LRRK2: variants seen among roughly 807,000 people sequenced by gnomAD.
LRRK2 encodes leucine rich repeat kinase 2.
In LRRK2, 203 loss-of-function variants were observed where a neutral mutation model predicts 302.6. The ratio of observed to expected loss-of-function variants is 0.67; its 90% CI spans 0.60 to 0.75. LRRK2 has a LOEUF of 0.75. Among genes scored for constraint, LRRK2 ranks in the 30% least tolerant of loss-of-function variants. The pLI is 0.00. For missense variants in LRRK2, 2,830 were observed against 2,951.0 expected, an observed-to-expected ratio of 0.96 and a Z score of 0.95; for synonymous variants, 1,066 against 1,031.9, an observed-to-expected ratio of 1.03 and a Z score of -0.63.
intron 40 of LRRK2, among the ~76,000 whole-genome samples, chr12:40,336,654 A>C (rs1276597928): frequency 6.6e-6 from 1 of 152,220 alleles, no homozygotes; most frequent in Non-Finnish European, 1.5e-5. Context: ...TAGTATCCAG[A>C]AATGTTCCTT....
intron 18 of LRRK2, among the ~76,000 whole-genome samples, chr12:40,283,081 A>C (rs1943774794): frequency 6.6e-6 from 1 of 152,218 alleles, no homozygotes; most frequent in African/African-American, 2.4e-5. Flanking sequence ...TACAGAATTT[A>C]GCACAGTAAC....
intron 23 of LRRK2, among the ~76,000 whole-genome samples, chr12:40,296,800 T>G (rs1944402255): frequency 6.6e-6 from 1 of 152,154 alleles, no homozygotes; most frequent in African/African-American, 2.4e-5. Context: ...GAAAGAAAGG[T>G]GACCCACTCC....
chr12:40,320,403 C>T (rs573098841), intron 34 of LRRK2, among the ~76,000 whole-genome samples: 12 of 152,006 alleles, frequency 7.9e-5, no homozygotes, highest in African/African-American at 2.7e-4. Context: ...TACTAGTTGG[C>T]TTATCACTGT....
At chr12:40,304,252 TA>T (rs760620959) in intron 27 of LRRK2, 118 bp downstream of exon 27, 48 of 927,918 alleles carry the variant, frequency 5.2e-5, no homozygotes, top group Non-Finnish European at 7.4e-5. Flanking sequence ...AGCTTCCTGT[TA>T]ACTATAAATT....
intron 2 of LRRK2, among the ~76,000 whole-genome samples, chr12:40,230,275 GTAATCATTTTTATCTTCCTAAAA>G (rs1941116050): frequency 6.6e-6 from 1 of 152,132 alleles, no homozygotes; most frequent in Non-Finnish European, 1.5e-5. Context: ...GAGATCTTGA[GTAATCATTTTTATCTTCCTAAAA>G]TAGCCGTTGT....
rs201717503 is a variant in LRRK2 at position 40,304,142 on chromosome 12, G to T, written c.3777+8G>T. 8.1e-6 allele frequency: 13 copies of T among 1,610,256 alleles called. No homozygotes were observed. Among genetic ancestry groups the T allele is most frequent in the Non-Finnish European group, 1.0e-5 (12 of 1,177,542 alleles). On this transcript the variant is annotated splice_region_variant and intron_variant, in intron 27 of 50. Transcript: ENST00000298910. ...CACAATAAACTGAAAGAGGTAAGAC[G>T]ATTATTGCCACTTAAAAAATATACT...
intron 49 of LRRK2, chr12:40,365,942 T>C (rs1053821233): frequency 6.6e-6 from 1 of 151,992 alleles, no homozygotes; most frequent in East Asian, 1.9e-4. Flanking sequence ...CAATAGGTTG[T>C]CTCAGTAGTC....
chr12:40,362,641 G>C (rs1254214792), intron 47 of LRRK2, among the ~76,000 whole-genome samples: 1 of 152,046 alleles, frequency 6.6e-6, no homozygotes, highest in Non-Finnish European at 1.5e-5. Context: ...GGTCTATTTT[G>C]ATAGGTCAGG....
At chr12:40,303,710 C>T (rs1199047591) in intron 26 of LRRK2, among the ~76,000 whole-genome samples, 4 of 152,084 alleles carry the variant, frequency 2.6e-5, no homozygotes, top group Non-Finnish European at 2.9e-5. Flanking sequence ...TAATGCCCTA[C>T]GATAGCCACT....
intron 4 of LRRK2, among the ~76,000 whole-genome samples, chr12:40,235,932 TTCCATCTCTTC>T (rs1941445402): frequency 6.6e-6 from 1 of 152,002 alleles, no homozygotes; most frequent in African/African-American, 2.4e-5. Context: ...TTCTTTCTGT[TTCCATCTCTTC>T]TCCTTATCTC....
At chr12:40,308,752 A>G in intron 29 of LRRK2, 56 bp downstream of exon 29, 1 of 1,494,934 alleles carries the variant, frequency 6.7e-7, no homozygotes. Context: ...TGGAACAGGG[A>G]TTCAAAAACT....
chr12:40,344,664 T>A (rs1025868370), intron 41 of LRRK2, among the ~76,000 whole-genome samples: 6 of 152,200 alleles, frequency 3.9e-5, no homozygotes, highest in African/African-American at 1.4e-4. Flanking sequence ...GCTATTGTGA[T>A]TTGTTTACAT....
chr12:40,320,057 A>G lies in LRRK2; in HGVS notation c.4897A>G (p.Lys1633Glu). Residue 1633 changes from lysine (K) to glutamate (E), a missense_variant, in exon 34 of 51, where the codon AAA (lysine) becomes GAA (glutamate). Physicochemically the swap from Lys to Glu is moderately conservative, Grantham distance 56 (BLOSUM62 1). This residue lies in a region of LRRK2 where 2,121 missense variants were observed against 2,148.0 expected (regional missense o/e 0.99). Transcript: ENST00000298910. ...KGIISRRDVE[K>E]FLSKKRKFPK... ...CATTATTTCGCGTAGAGATGTGGAA[A>G]AATTTCTTTCAAAAAAAAGGAAATT... is the stretch of plus-strand genomic sequence containing the variant. 6.2e-7 allele frequency: 1 copy of G among 1,611,950 alleles called. No homozygotes were observed. Among genetic ancestry groups the G allele is most frequent in the Non-Finnish European group, 8.5e-7 (1 of 1,178,828 alleles).
At chr12:40,273,908 T>A (rs1010975593) in intron 14 of LRRK2, among the ~76,000 whole-genome samples, 9 of 152,082 alleles carry the variant, frequency 5.9e-5, no homozygotes, top group African/African-American at 2.2e-4. Flanking sequence ...CTTCATAGTG[T>A]CAAATCATCT....
intron 8 of LRRK2, 21 bp downstream of exon 8, chr12:40,249,966 G>C: frequency 6.2e-7 from 1 of 1,612,798 alleles, no homozygotes; most frequent in South Asian, 1.1e-5. Flanking sequence ...TCACTAAAAA[G>C]GGGATTCTTA....
intron 31 of LRRK2, chr12:40,313,005 G>A (rs1180652312): frequency 6.6e-6 from 1 of 151,876 alleles, no homozygotes; most frequent in African/African-American, 2.4e-5. Context: ...AATGGTTATG[G>A]TTGTCTCTTT....
intron 14 of LRRK2, among the ~76,000 whole-genome samples, chr12:40,266,904 A>G (rs1027174464): frequency 1.0e-4 from 15 of 148,244 alleles, no homozygotes; most frequent in East Asian, 4.1e-4. Context: ...ACCAAACACC[A>G]TATGTTCTCA....
intron 13 of LRRK2, among the ~76,000 whole-genome samples, chr12:40,260,570 G>A (rs1565688955): frequency 1.3e-5 from 2 of 151,982 alleles, no homozygotes; most frequent in Admixed American, 6.6e-5. Context: ...TGAATGCAGT[G>A]CTAAAAATTT....
intron 33 of LRRK2, 57 bp from the exon 34 acceptor site, chr12:40,319,931 A>G: frequency 1.3e-6 from 2 of 1,532,570 alleles, no homozygotes; most frequent in Admixed American, 1.9e-5. Flanking sequence ...AATGCTTTAA[A>G]TTTGCAACAT....
Sources: allele counts gnomAD v4.1 joint callset (sites outside exome capture counted in the v4.1 genomes callset), GRCh38; gene constraint gnomAD v4.1.1; regional missense constraint gnomAD v4.1.1; transcripts MANE v1.5; gene names NCBI Gene and HGNC (gene_info 2026-07-23, HGNC 2026-07-21).